Variants in EYA1 observed in about 807,000 individuals in gnomAD.
The protein encoded by EYA1 is protein phosphatase EYA1.
In EYA1, 16 loss-of-function variants were observed where a neutral mutation model predicts 82.0. The ratio of observed to expected loss-of-function variants is 0.20; its 90% CI spans 0.13 to 0.30. The LOEUF (loss-of-function observed/expected upper bound fraction) is 0.30. Ranked by LOEUF, EYA1 falls within the 10% of genes least tolerant of loss-of-function variation. The pLI is 1.00. For synonymous variants in EYA1, 261 were observed against 264.4 expected (o/e 0.99, Z 0.12); for missense variants, 633 against 730.7 (o/e 0.87, Z 1.54).
At chr8:71,355,943 TTTA>T (rs1563524393) in intron 2 of EYA1, among the ~76,000 whole-genome samples, 1 of 135,202 alleles carries the variant, frequency 7.4e-6, no homozygotes, top group African/African-American at 2.5e-5. Flanking sequence ...GCCCATTTAC[TTTA>T]TTTTAAACTT....
intron 2 of EYA1, among the ~76,000 whole-genome samples, chr8:71,535,570 G>T (rs1395450390): frequency 6.6e-6 from 1 of 152,120 alleles, no homozygotes; most frequent in Non-Finnish European, 1.5e-5. Flanking sequence ...TATAAATTAG[G>T]TTAGGCTGAT....
chr8:71,394,991 T>A (rs2129117253), intron 2 of EYA1, among the ~76,000 whole-genome samples: 1 of 152,308 alleles, frequency 6.6e-6, no homozygotes, highest in African/African-American at 2.4e-5. Context: ...GTAGTTCTCC[T>A]TGAAGAGGTC....
At chr8:71,270,315 C>T (rs550591007) in intron 10 of EYA1, 2 of 161,456 alleles carry the variant, frequency 1.2e-5, no homozygotes, top group Non-Finnish European at 2.7e-5. Flanking sequence ...AATAAATTCA[C>T]CTTATGTTAC....
intron 2 of EYA1, among the ~76,000 whole-genome samples, chr8:71,444,649 C>T (rs1487534403): frequency 2.0e-5 from 3 of 152,226 alleles, no homozygotes; most frequent in Non-Finnish European, 4.4e-5. Context: ...ACTGAGCATC[C>T]GTATGTACTT....
Position 71,221,101 on chromosome 8 carries a change from T to C in EYA1, c.1141-4078A>G, listed in dbSNP as rs141348224. Among the ~76,000 whole-genome samples the C allele has an allele frequency of 4.6e-5, 7 of 152,354 alleles. No homozygotes were observed. In the East Asian group the frequency reaches 1.2e-3, roughly 25 times the overall value. ...TTAGCCAGAGAGAGTTGCAAAGGTC[T>C]GAAGAATTAAAATTATATTTTGGTA... is the stretch of plus-strand genomic sequence containing the variant. On this transcript the variant is annotated intron_variant, in intron 12 of 17. Transcript: ENST00000340726.
chr8:71,470,259 G>A (rs948356161), intron 2 of EYA1, among the ~76,000 whole-genome samples: 2 of 152,004 alleles, frequency 1.3e-5, no homozygotes. Flanking sequence ...TGCATATTTT[G>A]TTTCAAATGA....
chr8:71,517,726 T>TATATATATAA (rs1339777193), intron 2 of EYA1, among the ~76,000 whole-genome samples: 1 of 147,972 alleles, frequency 6.8e-6, no homozygotes, highest in African/African-American at 2.5e-5. Context: ...TATATATATA[T>TATATATATAA]AACTGTATAC....
At chr8:71,531,262 C>G (rs1166668952) in intron 2 of EYA1, 1 of 152,162 alleles carries the variant, frequency 6.6e-6, no homozygotes, top group African/African-American at 2.4e-5. Flanking sequence ...CCCACTTGAC[C>G]TACAAAATTG....
chr8:71,425,014 A>C (rs1831341844), intron 2 of EYA1, among the ~76,000 whole-genome samples: 1 of 146,910 alleles, frequency 6.8e-6, no homozygotes, highest in Admixed American at 7.2e-5. Context: ...TAATCCCAGC[A>C]CTTTGGGAGG....
At chr8:71,279,078 T>C (rs1817525272) in intron 9 of EYA1, among the ~76,000 whole-genome samples, 1 of 152,218 alleles carries the variant, frequency 6.6e-6, no homozygotes. Context: ...TGAATCTGTC[T>C]GCTAAGACAA....
intron 2 of EYA1, among the ~76,000 whole-genome samples, chr8:71,483,012 C>T (rs1810290462): frequency 6.6e-6 from 1 of 152,136 alleles, no homozygotes; most frequent in South Asian, 2.1e-4. Context: ...AATTGGTCAC[C>T]TGATTCTCTG....
intron 17 of EYA1, among the ~76,000 whole-genome samples, chr8:71,206,051 T>G (rs1807727802): frequency 6.6e-6 from 1 of 152,206 alleles, no homozygotes; most frequent in South Asian, 2.1e-4. Context: ...TTAAAAATTT[T>G]AATTATGAAT....
intron 3 of EYA1, among the ~76,000 whole-genome samples, chr8:71,336,113 G>C (rs1449086353): frequency 6.6e-6 from 1 of 152,196 alleles, no homozygotes; most frequent in Non-Finnish European, 1.5e-5. Context: ...GGGTTAGGAA[G>C]TCACCCAAAG....
intron 1 of EYA1, among the ~76,000 whole-genome samples, chr8:71,538,931 A>G (rs897702426): frequency 6.6e-6 from 1 of 152,158 alleles, no homozygotes; most frequent in Non-Finnish European, 1.5e-5. Context: ...AACTGGGTTA[A>G]TCACTCACTT....
intron 2 of EYA1, among the ~76,000 whole-genome samples, chr8:71,385,157 A>G (rs886178185): frequency 2.6e-5 from 4 of 152,176 alleles, no homozygotes; most frequent in Non-Finnish European, 5.9e-5. Context: ...AAAAACTTTT[A>G]TAACTTAGTA....
In EYA1 at chr8:71,262,240, C is replaced by CT. The variant is rs1452526150; in HGVS notation, c.1050+7499dup. On this transcript the variant is annotated intron_variant, in intron 11 of 17. Transcript: ENST00000340726. The stretch of plus-strand genomic sequence containing the variant: ...CATAAAAGTTGAACAAAGATGCAGT[C>CT]TTTTTATTACTGATCCAACACATTT... Among the ~76,000 whole-genome samples the CT allele has an allele frequency of 4.6e-5, 7 of 152,202 alleles. No homozygotes were observed. The East Asian group carries it at 1.3e-3, about 29-fold the overall frequency.
Position 71,441,450 on chromosome 8 carries a change from AC to A in EYA1, c.34-84940del, listed in dbSNP as rs1370609226. 3.3e-5 allele frequency among the ~76,000 whole-genome samples: 5 copies of A among 152,120 alleles called. No homozygotes were observed. In the East Asian group the frequency reaches 9.7e-4, roughly 29 times the overall value. On this transcript the variant is annotated intron_variant, in intron 2 of 18. Coordinates refer to the EYA1 transcript ENST00000643681. ...AAACAAACCAAAAAAACTCACCCCAACCCCAATCAGACTGGAAGTCTAATTT... is the reference window on the plus strand; with the variant it reads ...AAACAAACCAAAAAAACTCACCCCAACCCAATCAGACTGGAAGTCTAATTT...
intron 11 of EYA1, 99 bp downstream of exon 11, chr8:71,269,641 T>G: frequency 7.2e-6 from 6 of 830,084 alleles, no homozygotes; most frequent in Non-Finnish European, 1.2e-5. Context: ...ATTTATATTT[T>G]AAATTTGTTA....
intron 2 of EYA1, among the ~76,000 whole-genome samples, chr8:71,415,570 T>C (rs1309172628): frequency 6.6e-6 from 1 of 152,156 alleles, no homozygotes; most frequent in Non-Finnish European, 1.5e-5. Flanking sequence ...TCAAGTAGCT[T>C]TGAGGGACAA....
Sources: gnomAD v4.1 joint callset for allele counts (sites outside exome capture counted in the v4.1 genomes callset) on GRCh38, gnomAD v4.1.1 for gene constraint, MANE v1.5 for transcripts, NCBI Gene and HGNC (gene_info 2026-07-23, HGNC 2026-07-21) for gene names.